The following SEMA6D variants were observed in gnomAD, a reference collection of about 807,000 sequenced individuals.
The protein encoded by SEMA6D is semaphorin 6D.
A neutral mutation model predicts 106.6 loss-of-function variants in SEMA6D; 35 were observed. That is an observed-to-expected ratio of 0.33 (90% confidence interval 0.25 to 0.44). The LOEUF (loss-of-function observed/expected upper bound fraction) is 0.44. Ranked by LOEUF, SEMA6D falls within the 20% of genes least tolerant of loss-of-function variation. The pLI is 1.00. For synonymous variants in SEMA6D, 499 were observed against 487.7 expected (o/e 1.02, Z -0.31); for missense variants, 1,185 against 1,345.9 (o/e 0.88, Z 1.87).
intron 3 of SEMA6D, among the ~76,000 whole-genome samples, chr15:47,537,613 G>A (rs189581633): frequency 2.0e-5 from 3 of 152,314 alleles, no homozygotes; most frequent in African/African-American, 4.8e-5. Context: ...ATGCTCTGCC[G>A]TGAGTTAGGC....
upstream of SEMA6D, chr15:47,716,906 AG>A (rs2079129854): frequency 9.1e-6 from 1 of 110,326 alleles, no homozygotes; most frequent in Non-Finnish European, 1.7e-5. Flanking sequence ...TGTTTTGCTT[AG>A]TGGTTATAAA....
rs542061858 is a variant in SEMA6D at position 47,379,401 on chromosome 15, G to A, written c.-238-32992G>A. On this transcript the variant is annotated intron_variant, in intron 1 of 19. Transcript: ENST00000558014. The stretch of plus-strand genomic sequence containing the variant: ...AAAGGGTACTATCAAAACACTAAGG[G>A]AAATTTCAAAGTAGAGAAGAAGCAG... 5.9e-5 allele frequency among the ~76,000 whole-genome samples: 9 copies of A among 152,278 alleles called. No homozygotes were observed. The East Asian group carries it at 1.5e-3, about 26-fold the overall frequency.
Position 47,625,036 on chromosome 15 carries a change from C to T in SEMA6D, c.-55+24140C>T, listed in dbSNP as rs191137005. Among the ~76,000 whole-genome samples the T allele has an allele frequency of 8.5e-5, 13 of 152,196 alleles. 1 individual carries two copies. Among genetic ancestry groups the T allele is most frequent in the Admixed American group, 2.0e-4 (3 of 15,282 alleles). ...ATCCTCTCCTTCAATTTTTACAATA[C>T]GTTACAGGTTAACCATGATTATCAC... On this transcript the variant is annotated intron_variant, in intron 4 of 19. Transcript: ENST00000558014.
intron 3 of SEMA6D, among the ~76,000 whole-genome samples, chr15:47,471,910 C>CTCTCTCTCGCTCTT (rs2042851228): frequency 7.9e-6 from 1 of 126,830 alleles, no homozygotes. Context: ...CTCTTTCTCT[C>CTCTCTCTCGCTCTT]TCTCTCTCTC....
Position 47,771,137 on chromosome 15 carries a change from C to T in SEMA6D, c.2574C>T (p.His858=). 1 of 1,614,114 alleles carries T rather than the reference C, an allele frequency of 6.2e-7. No homozygotes were observed. Among genetic ancestry groups the T allele is most frequent in the Non-Finnish European group, 8.5e-7 (1 of 1,180,006 alleles). Residue 858 remains histidine (H), a synonymous_variant, in exon 19 of 19, where the codon CAC becomes CAT. Coordinates refer to ENST00000536845, the MANE Select transcript of SEMA6D (RefSeq NM_001358351.3). ...KAEKKLQNID[H]PLTKSSSKRD... The stretch of plus-strand genomic sequence containing the variant: ...AAAAGAAGCTTCAAAACATTGATCA[C>T]CCTCTCACAAAGTCATCCAGTAAGA...
chr15:47,222,213 G>C (rs953549200), intron 1 of SEMA6D, among the ~76,000 whole-genome samples: 2 of 152,138 alleles, frequency 1.3e-5, no homozygotes, highest in Non-Finnish European at 2.9e-5. Flanking sequence ...AATACACTTA[G>C]GAATAGACAT....
At chr15:47,463,697 T>A (rs2042580983) in intron 2 of SEMA6D, among the ~76,000 whole-genome samples, 1 of 152,204 alleles carries the variant, frequency 6.6e-6, no homozygotes, top group Non-Finnish European at 1.5e-5. Flanking sequence ...ATTAGTTTCC[T>A]GTGGCTGCTG....
chr15:47,641,797 T>C (rs1010924393), intron 4 of SEMA6D, among the ~76,000 whole-genome samples: 11 of 152,102 alleles, frequency 7.2e-5, no homozygotes, highest in Admixed American at 3.3e-4. Flanking sequence ...CCATAAAACG[T>C]CATGCTCCCC....
chr15:47,225,484 C>T (rs1201387935), intron 1 of SEMA6D, among the ~76,000 whole-genome samples: 1 of 144,636 alleles, frequency 6.9e-6, no homozygotes, highest in Non-Finnish European at 1.5e-5. Flanking sequence ...GGTCTTTGGC[C>T]CGTTTTTTAA....
intron 4 of SEMA6D, among the ~76,000 whole-genome samples, chr15:47,606,579 G>T (rs971912026): frequency 1.3e-5 from 2 of 152,168 alleles, no homozygotes; most frequent in Non-Finnish European, 2.9e-5. Context: ...GGAGGAAACT[G>T]CACAAGGACT....
intron 2 of SEMA6D, among the ~76,000 whole-genome samples, chr15:47,431,237 G>A (rs1167400459): frequency 6.6e-6 from 1 of 151,900 alleles, no homozygotes; most frequent in Non-Finnish European, 1.5e-5. Context: ...TGATTTAAGG[G>A]ACTTTTATCA....
At chr15:47,710,098 A>G (rs1254825200) in intron 4 of SEMA6D, among the ~76,000 whole-genome samples, 1 of 152,226 alleles carries the variant, frequency 6.6e-6, no homozygotes, top group Non-Finnish European at 1.5e-5. Context: ...GATCTAAACA[A>G]AATAAATCAC....
At chr15:47,768,837 C>A in intron 18 of SEMA6D, 89 bp downstream of exon 18, 2 of 1,299,140 alleles carry the variant, frequency 1.5e-6, no homozygotes, top group Non-Finnish European at 2.1e-6. Flanking sequence ...CAGAGGTGGG[C>A]CTCACAGGAG....
chr15:47,687,640 T>G (rs1730657516), intron 4 of SEMA6D, among the ~76,000 whole-genome samples: 2 of 152,152 alleles, frequency 1.3e-5, no homozygotes, highest in Admixed American at 1.3e-4. Flanking sequence ...TGATCAAATA[T>G]GAGCTCTAGA....
chr15:47,476,339 T>G (rs575450997), intron 3 of SEMA6D, among the ~76,000 whole-genome samples: 1 of 152,286 alleles, frequency 6.6e-6, no homozygotes, highest in Non-Finnish European at 1.5e-5. Flanking sequence ...TTTATAATCT[T>G]AAAATAAAAG....
chr15:47,219,125 AGAGT>A (rs2030949442), intron 1 of SEMA6D, among the ~76,000 whole-genome samples: 1 of 152,172 alleles, frequency 6.6e-6, no homozygotes, highest in African/African-American at 2.4e-5. Flanking sequence ...TGACCCTGGT[AGAGT>A]AATTTTTCAA....
intron 3 of SEMA6D, among the ~76,000 whole-genome samples, chr15:47,573,051 C>T (rs1259544344): frequency 3.3e-5 from 5 of 151,580 alleles, no homozygotes; most frequent in Non-Finnish European, 5.9e-5. Context: ...TCTCTGTGCC[C>T]GGCAGTTTGG....
chr15:47,509,712 C>G (rs1403174418), intron 3 of SEMA6D, among the ~76,000 whole-genome samples: 1 of 152,202 alleles, frequency 6.6e-6, no homozygotes, highest in Non-Finnish European at 1.5e-5. Context: ...TGCTGAAATG[C>G]TGTTTATTAT....
At chr15:47,495,651 T>G (rs1484262672) in intron 3 of SEMA6D, among the ~76,000 whole-genome samples, 3 of 152,082 alleles carry the variant, frequency 2.0e-5, no homozygotes, top group Admixed American at 2.0e-4. Flanking sequence ...CTTTCCTTTA[T>G]TCTGTGGAAC....
Sources: allele counts gnomAD v4.1 joint callset (sites outside exome capture counted in the v4.1 genomes callset), GRCh38; gene constraint gnomAD v4.1.1; transcripts MANE v1.5; gene names NCBI Gene and HGNC (gene_info 2026-07-23, HGNC 2026-07-21).